The following PTCD3 variants were observed in gnomAD, a reference collection of about 807,000 sequenced individuals.
PTCD3 encodes pentatricopeptide repeat domain 3.
PTCD3 carries 89 observed loss-of-function variants against 101.9 expected under a neutral mutation model. The observed-to-expected ratio is 0.87, with a 90% confidence interval of 0.74 to 1.04. PTCD3 has a LOEUF of 1.04. Ranked by LOEUF, PTCD3 falls within the 50% of genes least tolerant of loss-of-function variation. PTCD3 has a pLI of 0.00. For synonymous variants in PTCD3, 296 were observed against 278.5 expected (o/e 1.06, Z -0.63); for missense variants, 870 against 828.2 (o/e 1.05, Z -0.62).
rs1674664807 is a variant in PTCD3, at chr2:86,140,494, T to C, written c.*2935T>C. On this transcript the variant is annotated 3_prime_UTR_variant, in exon 24 of 24. Transcript: ENST00000254630. ...TTGCATTGCAGTATAGATCTGTGCATAGATATATGCATTAAGTGTAGCAAA... is the reference window on the plus strand; with the variant it reads ...TTGCATTGCAGTATAGATCTGTGCACAGATATATGCATTAAGTGTAGCAAA... 1 of 152,200 alleles carries C rather than the reference T, an allele frequency of 6.6e-6. No homozygotes were observed. Among genetic ancestry groups the C allele is most frequent in the East Asian group, 1.9e-4 (1 of 5,196 alleles). 9.4% of individuals were successfully genotyped at this position (152,200 alleles called of 1,614,324 possible).
chr2:86,122,497 T>C (rs1249053674), intron 8 of PTCD3, among the ~76,000 whole-genome samples: 7 of 151,476 alleles, frequency 4.6e-5, no homozygotes. Flanking sequence ...CTGCAGCCTT[T>C]AACTCCTGAG....
At chr2:86,118,311 A>G (rs1329482447) in intron 6 of PTCD3, among the ~76,000 whole-genome samples, 3 of 152,172 alleles carry the variant, frequency 2.0e-5, no homozygotes, top group African/African-American at 7.2e-5. Context: ...GTGCTTGTCC[A>G]TACAGTGGTG....
rs568198262 is a variant in PTCD3 at position 86,114,366 on chromosome 2, C to T, written c.241-2164C>T. Among the ~76,000 whole-genome samples the T allele has an allele frequency of 4.8e-4, 73 of 152,086 alleles. 1 individual carries two copies. The East Asian group carries it at 0.014, about 29-fold the overall frequency. On this transcript the variant is annotated intron_variant, in intron 4 of 23. Coordinates refer to ENST00000254630, the MANE Select transcript of PTCD3 (RefSeq NM_017952.6). The stretch of plus-strand genomic sequence containing the variant: ...GCAGTGGCGCAATCTCAGCTCACTG[C>T]AAGCTCTGCCTCCTGGGCTCACGCC...
intron 8 of PTCD3, 93 bp downstream of exon 8, chr2:86,121,687 C>A: frequency 2.6e-6 from 2 of 755,262 alleles, no homozygotes; most frequent in South Asian, 1.8e-5. Context: ...TGCCATGTGT[C>A]AGGGTAGTAG....
intron 14 of PTCD3, among the ~76,000 whole-genome samples, chr2:86,128,384 ATGT>A (rs1242915588): frequency 2.6e-5 from 4 of 151,482 alleles, no homozygotes; most frequent in Admixed American, 6.6e-5. Context: ...ACTGGCAGTG[ATGT>A]TGTACAAACA....
At chr2:86,132,155 A>G (rs917790540) in intron 16 of PTCD3, among the ~76,000 whole-genome samples, 163 bp from the exon 17 acceptor site, 1 of 152,220 alleles carries the variant, frequency 6.6e-6, no homozygotes, top group African/African-American at 2.4e-5. Context: ...ATTTCACAGA[A>G]CTTGGGATTT....
Position 86,134,989 on chromosome 2 carries a change from T to G in PTCD3, c.1778+2T>G, listed in dbSNP as rs1674558281. ...GGCTGGGAGAACTCAGGAAGCCTGG[T>G]GAGTACAGTACCACAAGTATACACT... On this transcript the variant is annotated splice_donor_variant, in intron 21 of 23. Transcript: ENST00000254630. LOFTEE classifies it high-confidence loss of function. 1 of 1,613,800 alleles carries G rather than the reference T, an allele frequency of 6.2e-7. No individual in the cohort carries two copies. Among genetic ancestry groups the G allele is most frequent in the Non-Finnish European group, 8.5e-7 (1 of 1,179,808 alleles).
intron 8 of PTCD3, 48 bp from the exon 9 acceptor site, chr2:86,123,653 C>A: frequency 7.3e-7 from 1 of 1,371,248 alleles, no homozygotes; most frequent in Non-Finnish European, 1.0e-6. Context: ...CTGGGAAATG[C>A]ATTCCATTGC....
chr2:86,122,346 G>T (rs1019247690), intron 8 of PTCD3, among the ~76,000 whole-genome samples: 3 of 152,126 alleles, frequency 2.0e-5, no homozygotes, highest in Non-Finnish European at 4.4e-5. Context: ...GTGTTTCTGG[G>T]TGATGGGATT....
intron 3 of PTCD3, among the ~76,000 whole-genome samples, chr2:86,109,747 A>G (rs2104446557): frequency 6.6e-6 from 1 of 152,364 alleles, no homozygotes; most frequent in Admixed American, 6.5e-5. Context: ...GAATAGTAAC[A>G]GGTTGAAACA....
intron 1 of PTCD3, 68 bp from the exon 2 acceptor site, chr2:86,108,282 A>T: frequency 6.5e-7 from 1 of 1,534,238 alleles, no homozygotes; most frequent in Non-Finnish European, 8.8e-7. Context: ...CTCAAAGTAC[A>T]CATAGGTGGA....
chr2:86,106,498 A>T (rs1673952913), intron 1 of PTCD3, 147 bp downstream of exon 1: 2 of 706,396 alleles, frequency 2.8e-6, no homozygotes, highest in Admixed American at 5.9e-5. Context: ...AGGTACGCGG[A>T]GGTGGCCCTT....
chr2:86,114,799 A>ATTT (rs1404737251), intron 4 of PTCD3, among the ~76,000 whole-genome samples: 1 of 152,220 alleles, frequency 6.6e-6, no homozygotes, highest in Non-Finnish European at 1.5e-5. Context: ...CAGCAAGAAG[A>ATTT]TACAAAGCAA....
At position 86,114,509 on chromosome 2, in the gene PTCD3, T is replaced by G. The variant is rs182896550; in HGVS notation, c.241-2021T>G. ...TTCACTGTGTTAGCCAGGATGGGGG[T>G]AAAGGAATTCTAAGCAGACATTTTA... is the stretch of plus-strand genomic sequence containing the variant. On this transcript the variant is annotated intron_variant, in intron 4 of 23. Coordinates refer to ENST00000254630, the MANE Select transcript of PTCD3 (RefSeq NM_017952.6). 4.6e-3 allele frequency among the ~76,000 whole-genome samples: 703 copies of G among 152,114 alleles called. 3 individuals carry two copies. The highest frequency in any genetic ancestry group is 0.016 in the African/African-American group (655 of 41,506).
At chr2:86,128,092 TAAG>T in intron 14 of PTCD3, 101 bp downstream of exon 14, 1 of 1,014,290 alleles carries the variant, frequency 9.9e-7, no homozygotes, top group East Asian at 2.4e-5. Flanking sequence ...GCATATGAAT[TAAG>T]AAGAGAGAAT....
At chr2:86,113,751 C>T (rs913688101) in intron 4 of PTCD3, among the ~76,000 whole-genome samples, 2 of 152,012 alleles carry the variant, frequency 1.3e-5, no homozygotes, top group South Asian at 2.1e-4. Flanking sequence ...GTGGAGGTTG[C>T]GGTGAGCCAG....
rs1468225992 is a variant in PTCD3 at position 86,106,274 on chromosome 2, G to T, written c.27G>T (p.Trp9Cys). The change falls in exon 1 of 24, where the codon TGG (tryptophan) becomes TGT (cysteine). Residue 9 changes from tryptophan (W) to cysteine (C), a missense_variant. Transcript: ENST00000254630. ...TGGCGGTTGTATCTGCTGTTCGCTGGCTGGGCCTCCGCAGCAGGCTTGGCC... is the reference window on the plus strand; with the variant it reads ...TGGCGGTTGTATCTGCTGTTCGCTGTCTGGGCCTCCGCAGCAGGCTTGGCC... MAVVSAVR[W>C]LGLRSRLGQP... is the part of the protein sequence containing the mutation. The T allele has an allele frequency of 1.9e-6, 3 of 1,613,896 alleles. No individual in the cohort carries two copies. The highest frequency in any genetic ancestry group is 2.5e-6 in the Non-Finnish European group (3 of 1,179,992).
In PTCD3 at chr2:86,139,846, AGGGGAAGGGGAG is replaced by A. The variant is rs1236857160; in HGVS notation, c.*2288_*2299del. On this transcript the variant is annotated 3_prime_UTR_variant, in exon 24 of 24. Transcript: ENST00000254630. Reference sequence around the variant, plus strand: ...GGGATTAAGGACTCATGGAATGGGAAGGGGAAGGGGAGTCTTACTATATGTGGAATAAACTTG... The same window carrying A: ...GGGATTAAGGACTCATGGAATGGGAATCTTACTATATGTGGAATAAACTTG... 1 of 152,104 alleles carries A rather than the reference AGGGGAAGGGGAG, an allele frequency of 6.6e-6. No homozygotes were observed. The highest frequency in any genetic ancestry group is 1.5e-5 in the Non-Finnish European group (1 of 67,998). 9.4% of individuals were successfully genotyped at this position (152,104 alleles called of 1,614,324 possible).
rs1410793057 is a variant in PTCD3 at position 86,117,070 on chromosome 2, G to T, written c.325G>T (p.Ala109Ser). ...SSLESRSFLL[A>S]KKSGENVAKF... ...CTTTATATAGCGTTCATTTTTACTGGCAAAGAAATCCGGGGAGAATGTGGC... is the reference window on the plus strand; with the variant it reads ...CTTTATATAGCGTTCATTTTTACTGTCAAAGAAATCCGGGGAGAATGTGGC... Residue 109 changes from alanine to serine, a missense_variant, in exon 6 of 24, where the codon GCA (alanine) becomes TCA (serine). By Grantham distance (99) the Ala-to-Ser change is moderately conservative. Transcript: ENST00000254630. The T allele has an allele frequency of 2.9e-6, 4 of 1,357,106 alleles. No individual in the cohort carries two copies. The highest frequency in any genetic ancestry group is 4.2e-6 in the Non-Finnish European group (4 of 946,652). 84.1% of individuals were successfully genotyped at this position (1,357,106 alleles called of 1,614,324 possible). A position where few individuals can be genotyped will look rare whatever the true frequency, so the allele number is the denominator to read the frequency against.
Sources: allele counts gnomAD v4.1 joint callset (sites outside exome capture counted in the v4.1 genomes callset), GRCh38; gene constraint gnomAD v4.1.1; transcripts MANE v1.5; gene names NCBI Gene and HGNC (gene_info 2026-07-23, HGNC 2026-07-21).